The following OTULINL variants were observed in gnomAD, a reference collection of about 807,000 sequenced individuals.
The protein encoded by OTULINL is inactive ubiquitin thioesterase OTULINL.
A neutral mutation model predicts 43.9 loss-of-function variants in OTULINL; 42 were observed. The observed-to-expected ratio is 0.96, with a 90% CI of 0.75 to 1.24. The LOEUF (loss-of-function observed/expected upper bound fraction) is 1.24, where lower values mean the gene tolerates loss of function less well. Ranked by LOEUF, OTULINL falls within the 50% of genes most tolerant of loss-of-function variation. The pLI, the probability that OTULINL is intolerant of heterozygous loss-of-function variation, is 0.00. For synonymous variants in OTULINL, 172 were observed against 153.6 expected (o/e 1.12, Z -0.88); for missense variants, 411 against 426.4 (o/e 0.96, Z 0.32).
chr5:14,599,536 A>T (rs754252460), intron 1 of OTULINL, among the ~76,000 whole-genome samples: 1 of 152,154 alleles, frequency 6.6e-6, no homozygotes, highest in Non-Finnish European at 1.5e-5. Flanking sequence ...TTGCTGGCAA[A>T]TTATTTCTTT....
Position 14,598,408 on chromosome 5 carries a change from C to T in OTULINL, c.65-2557C>T, listed in dbSNP as rs146791183. Among the ~76,000 whole-genome samples the T allele has an allele frequency of 3.0e-3, 464 of 152,260 alleles. 1 individual carries two copies. Among genetic ancestry groups the T allele is most frequent in the African/African-American group, 0.011 (447 of 41,542 alleles). On this transcript the variant is annotated intron_variant, in intron 1 of 7. Coordinates refer to ENST00000274217, the MANE Select transcript of OTULINL (RefSeq NM_019018.3). The stretch of plus-strand genomic sequence containing the variant: ...TGGGGTTTAGGGAAGTAGGTGCTCT[C>T]GTGTATGTGATGAGAGTCTGTGGTA...
chr5:14,606,579 G>C (rs1394319247), intron 5 of OTULINL, among the ~76,000 whole-genome samples: 1 of 152,150 alleles, frequency 6.6e-6, no homozygotes, highest in Non-Finnish European at 1.5e-5. Flanking sequence ...TTATTGGTAT[G>C]TTACAATGGA....
At position 14,581,905 on chromosome 5, in the gene OTULINL, C is replaced by T. The variant is rs1321214967; in HGVS notation, c.11C>T (p.Thr4Ile). 1.1e-5 allele frequency: 16 copies of T among 1,413,314 alleles called. No individual in the cohort carries two copies. The highest frequency in any genetic ancestry group is 1.3e-5 in the Non-Finnish European group (14 of 1,083,448). 87.5% of individuals were successfully genotyped at this position (1,413,314 alleles called of 1,614,324 possible). ...CGCAGCGCGGCCGGCATGGCGGCGACAAGGAGCCCCACGCGGGCAAGGGAG... is the reference window on the plus strand; with the variant it reads ...CGCAGCGCGGCCGGCATGGCGGCGATAAGGAGCCCCACGCGGGCAAGGGAG... MAA[T>I]RSPTRARERE... Residue 4 changes from threonine (T) to isoleucine (I), a missense_variant, in exon 1 of 8, where the codon ACA (threonine) becomes ATA (isoleucine). Coordinates refer to ENST00000274217, the MANE Select transcript of OTULINL (RefSeq NM_019018.3).
chr5:14,615,316 C>A lies in OTULINL; in HGVS notation c.*5002C>A, dbSNP rs1759655255. 6.6e-6 allele frequency among the ~76,000 whole-genome samples: 1 copy of A among 152,226 alleles called. No individual in the cohort carries two copies. Among genetic ancestry groups the A allele is most frequent in the Non-Finnish European group, 1.5e-5 (1 of 68,044 alleles). ...CTGGGAAACAACTTGGGAACTGCTT[C>A]AAGTCCATGCCAGGTCATGGCTTCG... On this transcript the variant is annotated 3_prime_UTR_variant, in exon 8 of 8. Transcript: ENST00000274217.
intron 5 of OTULINL, among the ~76,000 whole-genome samples, chr5:14,604,339 A>C (rs1299132806): frequency 3.9e-5 from 6 of 152,146 alleles, no homozygotes; most frequent in Non-Finnish European, 8.8e-5. Context: ...GTCTGTTTTC[A>C]TGCTGCTGAT....
intron 1 of OTULINL, among the ~76,000 whole-genome samples, chr5:14,596,892 C>T (rs953041765): frequency 3.3e-5 from 5 of 151,996 alleles, no homozygotes; most frequent in African/African-American, 1.2e-4. Context: ...TCATGGGGGC[C>T]CCATGCTGAT....
chr5:14,601,222 A>G lies in OTULINL; in HGVS notation c.234A>G (p.Gly78=), dbSNP rs2126780271. The change falls in exon 3 of 8, where the codon GGA becomes GGG. Residue 78 remains glycine, a synonymous_variant. Transcript: ENST00000274217. ...YSGHKLKWWI[G]YLQRKFKRNL... ...CCCTTTTATCTTTCAGGTGGATTGG[A>G]TATCTGCAGAGAAAATTCAAAAGTA... is the stretch of plus-strand genomic sequence containing the variant. 2.5e-6 allele frequency: 4 copies of G among 1,612,820 alleles called. No individual in the cohort carries two copies. Among genetic ancestry groups the G allele is most frequent in the East Asian group, 2.2e-5 (1 of 44,876 alleles).
At chr5:14,600,176 C>T (rs1759359943) in intron 1 of OTULINL, among the ~76,000 whole-genome samples, 2 of 152,168 alleles carry the variant, frequency 1.3e-5, no homozygotes. Flanking sequence ...CTAGTGAGTT[C>T]TCACGAGATC....
chr5:14,592,987 G>A (rs967500517), intron 1 of OTULINL, among the ~76,000 whole-genome samples: 1 of 152,180 alleles, frequency 6.6e-6, no homozygotes, highest in Admixed American at 6.5e-5. Context: ...CCTTCTTACA[G>A]TGCTTGTGGA....
chr5:14,590,367 G>A (rs1177339866), intron 1 of OTULINL, among the ~76,000 whole-genome samples: 1 of 152,200 alleles, frequency 6.6e-6, no homozygotes. Flanking sequence ...TTGATGGAAT[G>A]CAGATTATGT....
intron 1 of OTULINL, among the ~76,000 whole-genome samples, chr5:14,586,918 A>G (rs1188140190): frequency 6.6e-6 from 1 of 151,168 alleles, no homozygotes; most frequent in African/African-American, 2.4e-5. Flanking sequence ...TGTACCCACG[A>G]CAGTGGAGAT....
intron 1 of OTULINL, among the ~76,000 whole-genome samples, 168 bp downstream of exon 1, chr5:14,582,126 C>A (rs1199693610): frequency 1.3e-5 from 2 of 149,578 alleles, no homozygotes; most frequent in African/African-American, 4.9e-5. Flanking sequence ...CTGAGCCGGG[C>A]GGGAGTGGGG....
chr5:14,588,974 G>T (rs1299495319), intron 1 of OTULINL, among the ~76,000 whole-genome samples: 1 of 152,154 alleles, frequency 6.6e-6, no homozygotes, highest in East Asian at 1.9e-4. Flanking sequence ...TCGATGGGAG[G>T]AGAGAACGGA....
intron 1 of OTULINL, among the ~76,000 whole-genome samples, chr5:14,591,199 G>A (rs2126772740): frequency 6.6e-6 from 1 of 152,302 alleles, no homozygotes; most frequent in South Asian, 2.1e-4. Context: ...AGAGATAAAT[G>A]TCAGGTCCTG....
intron 1 of OTULINL, among the ~76,000 whole-genome samples, chr5:14,584,412 A>G (rs1444473783): frequency 6.6e-6 from 1 of 152,034 alleles, no homozygotes; most frequent in Non-Finnish European, 1.5e-5. Flanking sequence ...CTATACTTGG[A>G]GTTGCTCTGC....
Position 14,594,698 on chromosome 5 carries a change from G to C in OTULINL, c.65-6267G>C, listed in dbSNP as rs576653441. Reference sequence around the variant, plus strand: ...CTGTCTGCCTGTTCCATTGGCTTCAGTTTATTCCTCTGTACAGCACTTCCT... The same window carrying C: ...CTGTCTGCCTGTTCCATTGGCTTCACTTTATTCCTCTGTACAGCACTTCCT... On this transcript the variant is annotated intron_variant, in intron 1 of 7. Coordinates refer to ENST00000274217, the MANE Select transcript of OTULINL (RefSeq NM_019018.3). Among the ~76,000 whole-genome samples the C allele has an allele frequency of 6.6e-5, 10 of 152,322 alleles. 1 individual carries two copies. The South Asian group carries it at 1.9e-3, about 28-fold the overall frequency.
chr5:14,601,264 T>A lies in OTULINL; in HGVS notation c.256+20T>A. On this transcript the variant is annotated intron_variant, in intron 3 of 7. Transcript: ENST00000274217. ...TCAAAAGTAAATATTTTCATTCATT[T>A]ATTTCTTTATTTTTAAGGTGCAGAG... 1 of 1,609,602 alleles carries A rather than the reference T, an allele frequency of 6.2e-7. No homozygotes were observed. Among genetic ancestry groups the A allele is most frequent in the Non-Finnish European group, 8.5e-7 (1 of 1,177,020 alleles).
At position 14,601,097 on chromosome 5, in the gene OTULINL, A is replaced by G. The variant is rs1229137278; in HGVS notation, c.197A>G (p.His66Arg). The change falls in exon 2 of 8, where the codon CAT (histidine) becomes CGT (arginine). Residue 66 changes from histidine to arginine, a missense_variant. Physicochemically the swap from His to Arg is conservative, Grantham distance 29. Coordinates refer to ENST00000274217, the MANE Select transcript of OTULINL (RefSeq NM_019018.3). The part of the protein sequence containing the change: ...VAAICYFRRL[H>R]LYSGHKLKWW... The stretch of plus-strand genomic sequence containing the variant: ...GCCATCTGCTACTTCCGGAGGCTAC[A>G]TTTATATTCAGGGCACAAGCTGAAA... 5 of 1,612,330 alleles carry G rather than the reference A, an allele frequency of 3.1e-6. No homozygotes were observed. Among genetic ancestry groups the G allele is most frequent in the South Asian group, 1.1e-5 (1 of 90,674 alleles).
intron 1 of OTULINL, among the ~76,000 whole-genome samples, chr5:14,600,399 G>A (rs1394464577): frequency 6.6e-6 from 1 of 152,184 alleles, no homozygotes; most frequent in Non-Finnish European, 1.5e-5. Flanking sequence ...GAGAATGGAC[G>A]AACACAGAGG....
Sources: allele counts gnomAD v4.1 joint callset (sites outside exome capture counted in the v4.1 genomes callset), GRCh38; gene constraint gnomAD v4.1.1; transcripts MANE v1.5; gene names NCBI Gene and HGNC (gene_info 2026-07-23, HGNC 2026-07-21).